Variants in GK3 observed in about 807,000 individuals in gnomAD.
GK3 encodes glycerol kinase 3.
chr4:165,279,599 A>G, the GK3 span: 1 of 1,610,412 alleles, frequency 6.2e-7, no homozygotes, highest in Non-Finnish European at 8.5e-7. Flanking sequence ...GCCTTGGTCC[A>G]CTGCCCCCAC....
At chr4:165,278,485 C>T in the GK3 span, 36 of 1,593,758 alleles carry the variant, frequency 2.3e-5, no homozygotes, top group Non-Finnish European at 2.7e-5. Flanking sequence ...GGCATTTATT[C>T]GTGAATTGAG....
At chr4:165,278,815 A>G in the GK3 span, 1 of 1,554,818 alleles carries the variant, frequency 6.4e-7, no homozygotes, top group Non-Finnish European at 8.9e-7. Flanking sequence ...TTCCATACGT[A>G]TTTTTGGCTT....
chr4:165,279,307 C>A, the GK3 span: 1 of 1,554,144 alleles, frequency 6.4e-7, no homozygotes, highest in Non-Finnish European at 8.9e-7. Context: ...GATCAAGCCA[C>A]ACCACAGCAT....
At chr4:165,279,395 T>G in the GK3 span, 1 of 1,589,082 alleles carries the variant, frequency 6.3e-7, no homozygotes, top group East Asian at 2.2e-5. Flanking sequence ...AGCTTTTATG[T>G]TGGAAATACC....
chr4:165,279,177 G>A, the GK3 span: 1 of 1,591,894 alleles, frequency 6.3e-7, no homozygotes, highest in East Asian at 2.2e-5. Flanking sequence ...TTGTCGAGGA[G>A]CCAGCGAAGT....
At chr4:165,278,072 C>T in the GK3 span, 7 of 1,540,494 alleles carry the variant, frequency 4.5e-6, no homozygotes, top group Admixed American at 3.3e-5. Flanking sequence ...ACAGAAGACA[C>T]TAGGGTCACC....
At chr4:165,278,455 T>G in the GK3 span, 1 of 1,544,452 alleles carries the variant, frequency 6.5e-7, no homozygotes, top group African/African-American at 1.4e-5. Flanking sequence ...AAACAGCTTC[T>G]AATGCAGCAA....
At chr4:165,278,065 G>A in the GK3 span, 2 of 1,537,872 alleles carry the variant, frequency 1.3e-6, no homozygotes, top group Non-Finnish European at 1.8e-6. Context: ...GCAGACTACA[G>A]AAGACACTAG....
chr4:165,278,184 CA>C, the GK3 span: 1 of 1,302,332 alleles, frequency 7.7e-7, no homozygotes, highest in South Asian at 1.2e-5. Flanking sequence ...ATCTGAGGTT[CA>C]AACCGCTCCA....
chr4:165,279,494 C>G, the GK3 span: 2 of 1,578,506 alleles, frequency 1.3e-6, no homozygotes, highest in Non-Finnish European at 1.7e-6. Flanking sequence ...TTCCACCCAT[C>G]CTTCTCTTGG....
At chr4:165,278,139 A>G in the GK3 span, 6 of 1,527,848 alleles carry the variant, frequency 3.9e-6, no homozygotes, top group African/African-American at 4.1e-5. Flanking sequence ...GCTTTCTTCC[A>G]TGTAGAATAA....
chr4:165,278,008 T>A, the GK3 span: 1 of 1,450,608 alleles, frequency 6.9e-7, no homozygotes, highest in Non-Finnish European at 9.7e-7. Context: ...AGATGTACCT[T>A]GCTCCGATTA....
the GK3 span, chr4:165,279,451 A>C: frequency 6.2e-7 from 1 of 1,600,296 alleles, no homozygotes; most frequent in African/African-American, 1.3e-5. Flanking sequence ...CTATACACTC[A>C]TAGACAGAAT....
At chr4:165,279,033 T>A in the GK3 span, 3 of 1,505,204 alleles carry the variant, frequency 2.0e-6, no homozygotes, top group Non-Finnish European at 2.8e-6. Flanking sequence ...AAAAGCATAG[T>A]CCTACTTGCA....
At chr4:165,279,251 C>G in the GK3 span, 1 of 1,536,666 alleles carries the variant, frequency 6.5e-7, no homozygotes. Flanking sequence ...GTTATTATTT[C>G]CTGGAATTCT....
At chr4:165,278,772 T>G in the GK3 span, 6 of 1,552,026 alleles carry the variant, frequency 3.9e-6, no homozygotes, top group Non-Finnish European at 5.3e-6. Context: ...AATACACACT[T>G]ATGGCCTGTA....
the GK3 span, chr4:165,278,317 A>G: frequency 9.1e-7 from 1 of 1,098,274 alleles, no homozygotes. Flanking sequence ...CTACTGGAAT[A>G]TACAGAATGT....
the GK3 span, chr4:165,278,385 G>A: frequency 8.2e-6 from 11 of 1,344,128 alleles, no homozygotes; most frequent in Middle Eastern, 5.4e-4. Context: ...ACCTGCAAAT[G>A]ACTGAGTGGA....
the GK3 span, chr4:165,278,490 A>G: frequency 6.3e-7 from 1 of 1,597,290 alleles, no homozygotes; most frequent in South Asian, 1.1e-5. Flanking sequence ...TTATTCGTGA[A>G]TTGAGTGAGT....
Sources: gnomAD v4.1 joint callset for allele counts on GRCh38, gnomAD v4.1.1 for gene constraint, MANE v1.5 for transcripts, NCBI Gene and HGNC (gene_info 2026-07-23, HGNC 2026-07-21) for gene names.